Variants in TMEM65 observed in about 807,000 individuals in gnomAD.
TMEM65 encodes transmembrane protein 65.
A neutral mutation model predicts 25.4 loss-of-function variants in TMEM65; 22 were observed. The ratio of observed to expected loss-of-function variants is 0.86; its 90% CI spans 0.62 to 1.23. The LOEUF (loss-of-function observed/expected upper bound fraction) is 1.23. Among genes scored for constraint, TMEM65 ranks in the 50% most tolerant of loss-of-function variants. The pLI is 0.00. For synonymous variants in TMEM65, 132 were observed against 126.2 expected (o/e 1.05, Z -0.31); for missense variants, 262 against 308.2 (o/e 0.85, Z 1.12).
intron 1 of TMEM65, among the ~76,000 whole-genome samples, chr8:124,332,389 G>A (rs912024611): frequency 2.9e-4 from 44 of 152,118 alleles, no homozygotes; most frequent in African/African-American, 1.0e-3. Context: ...GACCTCCCCA[G>A]TAGAATGAGA....
chr8:124,332,662 T>C (rs1460028174), intron 1 of TMEM65, among the ~76,000 whole-genome samples: 2 of 152,064 alleles, frequency 1.3e-5, no homozygotes, highest in African/African-American at 4.8e-5. Flanking sequence ...GGAAAACTAC[T>C]GGCACAGAGG....
intron 1 of TMEM65, among the ~76,000 whole-genome samples, chr8:124,333,468 T>TGC (rs555941915): frequency 2.7e-4 from 23 of 85,758 alleles, no homozygotes; most frequent in African/African-American, 1.2e-3. Flanking sequence ...TGTGTGTGTG[T>TGC]GCGTGTGTGT....
chr8:124,356,533 T>C (rs1309847290), intron 1 of TMEM65, among the ~76,000 whole-genome samples: 1 of 152,214 alleles, frequency 6.6e-6, no homozygotes, highest in African/African-American at 2.4e-5. Flanking sequence ...TCCTTCCTTA[T>C]TGATACTCCC....
At chr8:124,319,539 A>G (rs1814280178) in intron 6 of TMEM65, among the ~76,000 whole-genome samples, 1 of 151,434 alleles carries the variant, frequency 6.6e-6, no homozygotes, top group African/African-American at 2.4e-5. Context: ...TTTTTTTATC[A>G]TCCTCTTCTA....
chr8:124,308,067 C>A lies in TMEM65; in HGVS notation c.*5893G>T, dbSNP rs1814115139. The stretch of plus-strand genomic sequence containing the variant: ...GAAAAGATAAACACCAGCTGCCAGT[C>A]TTCTGGCAGTATAACAAGAAGGCCT... On this transcript the variant is annotated 3_prime_UTR_variant, in exon 7 of 7. Coordinates refer to ENST00000297632, the MANE Select transcript of TMEM65 (RefSeq NM_194291.3). 1 of 152,132 alleles carries A rather than the reference C, an allele frequency of 6.6e-6. No homozygotes were observed. Among genetic ancestry groups the A allele is most frequent in the South Asian group, 2.1e-4 (1 of 4,810 alleles). The allele number at this position is 152,132 out of a possible 1,614,324, so 9.4% of individuals were successfully genotyped here. A position where few individuals can be genotyped will look rare whatever the true frequency, so the allele number is the denominator to read the frequency against.
At chr8:124,349,028 A>G (rs1814674926) in intron 1 of TMEM65, among the ~76,000 whole-genome samples, 1 of 152,222 alleles carries the variant, frequency 6.6e-6, no homozygotes, top group Admixed American at 6.5e-5. Flanking sequence ...TACTGACTTC[A>G]TTCTCCACTT....
chr8:124,330,314 T>G (rs1426479816), intron 2 of TMEM65, among the ~76,000 whole-genome samples: 1 of 151,920 alleles, frequency 6.6e-6, no homozygotes, highest in Non-Finnish European at 1.5e-5. Flanking sequence ...CTTCACGTAG[T>G]TTTAAATAAA....
chr8:124,313,728 G>A lies in TMEM65; in HGVS notation c.*232C>T. 1 of 439,614 alleles carries A rather than the reference G, an allele frequency of 2.3e-6. No individual in the cohort carries two copies. The highest frequency in any genetic ancestry group is 4.0e-5 in the Admixed American group (1 of 25,180). 27.2% of individuals were successfully genotyped at this position (439,614 alleles called of 1,614,324 possible). Reference sequence around the variant, plus strand: ...AAAAAGAAAGGATAAAATGTTGACTGCTATTGATGAAAAAGCATTTCAACA... The same window carrying A: ...AAAAAGAAAGGATAAAATGTTGACTACTATTGATGAAAAAGCATTTCAACA... On this transcript the variant is annotated 3_prime_UTR_variant, in exon 7 of 7. Coordinates refer to ENST00000297632, the MANE Select transcript of TMEM65 (RefSeq NM_194291.3).
intron 1 of TMEM65, among the ~76,000 whole-genome samples, chr8:124,332,975 T>C (rs1274905154): frequency 6.6e-6 from 1 of 151,876 alleles, no homozygotes; most frequent in Non-Finnish European, 1.5e-5. Flanking sequence ...CTGGCTAATT[T>C]TGTATTTTTA....
intron 1 of TMEM65, among the ~76,000 whole-genome samples, chr8:124,349,561 C>T (rs1814680501): frequency 1.3e-5 from 2 of 152,278 alleles, no homozygotes; most frequent in South Asian, 2.1e-4. Context: ...AAAAACAGCA[C>T]CGAACTAAAA....
In TMEM65 at chr8:124,349,379, T is replaced by C. The variant is rs144532720; in HGVS notation, c.305-18587A>G. 5.0e-4 allele frequency among the ~76,000 whole-genome samples: 76 copies of C among 152,060 alleles called. 1 individual carries two copies. In the East Asian group the frequency reaches 0.013, roughly 26 times the overall value. On this transcript the variant is annotated intron_variant, in intron 1 of 6. Transcript: ENST00000297632. ...TGAAGTTAAAATAAAGAGGAGAAAA[T>C]CAAATGATACATCATAGTTACCAAA...
In TMEM65 at chr8:124,372,015, G is replaced by T; in HGVS notation, c.143C>A (p.Pro48Gln). 2 of 1,311,118 alleles carry T rather than the reference G, an allele frequency of 1.5e-6. No individual in the cohort carries two copies. Among genetic ancestry groups the T allele is most frequent in the South Asian group, 4.1e-5 (2 of 48,746 alleles). 81.2% of individuals were successfully genotyped at this position (1,311,118 alleles called of 1,614,324 possible). A position where few individuals can be genotyped will look rare whatever the true frequency, so the allele number is the denominator to read the frequency against. ...CGTGCCCAGCCGCCTGGGGCCGCCCGGCAAGCCGCCGGGGGGCGCGAGCGC... is the reference window on the plus strand; with the variant it reads ...CGTGCCCAGCCGCCTGGGGCCGCCCTGCAAGCCGCCGGGGGGCGCGAGCGC... ...LLALAPPGGL[P>Q]GGPRRLGTHP... The change falls in exon 1 of 7, where the codon CCG (proline) becomes CAG (glutamine). Residue 48 changes from proline (P) to glutamine (Q), a missense_variant. By Grantham distance (76) the Pro-to-Gln change is moderately conservative. Transcript: ENST00000297632.
chr8:124,372,090 G>T lies in TMEM65; in HGVS notation c.68C>A (p.Ala23Asp). Reference protein sequence around the residue: ...ARSLRPGPAAAAAPRPPSWCC... With the variant: ...ARSLRPGPAADAAPRPPSWCC... ...CCAGGACGGCGGGCGGGGCGCGGCG[G>T]CGGCGGCCGGGCCCGGCCTCAGGCT... The change falls in exon 1 of 7, where the codon GCC becomes GAC. Residue 23 changes from alanine (A) to aspartate (D), a missense_variant. Coordinates refer to ENST00000297632, the MANE Select transcript of TMEM65 (RefSeq NM_194291.3). 9.0e-7 allele frequency: 1 copy of T among 1,116,240 alleles called. No individual in the cohort carries two copies. Among genetic ancestry groups the T allele is most frequent in the Non-Finnish European group, 1.1e-6 (1 of 915,468 alleles). 69.1% of individuals were successfully genotyped at this position (1,116,240 alleles called of 1,614,324 possible).
chr8:124,334,463 T>C (rs909698593), intron 1 of TMEM65, among the ~76,000 whole-genome samples: 1 of 152,026 alleles, frequency 6.6e-6, no homozygotes, highest in Non-Finnish European at 1.5e-5. Context: ...ATACATTATC[T>C]GAAATTATAA....
intron 1 of TMEM65, among the ~76,000 whole-genome samples, chr8:124,368,117 A>G (rs1388881135): frequency 6.6e-6 from 1 of 150,628 alleles, no homozygotes; most frequent in Non-Finnish European, 1.5e-5. Flanking sequence ...GTGGAAGCCA[A>G]CCTCAAAGAT....
At chr8:124,350,316 C>T (rs1814691364) in intron 1 of TMEM65, among the ~76,000 whole-genome samples, 2 of 152,118 alleles carry the variant, frequency 1.3e-5, no homozygotes, top group Admixed American at 6.6e-5. Context: ...CTTTCATACA[C>T]TGTGTTATAC....
chr8:124,345,063 T>A (rs1433191657), intron 1 of TMEM65, among the ~76,000 whole-genome samples: 1 of 152,198 alleles, frequency 6.6e-6, no homozygotes, highest in Admixed American at 6.6e-5. Context: ...GCTGCCTCCA[T>A]ATGTAGCAAA....
In TMEM65 at chr8:124,318,363, GTTTTTGTT is replaced by G. The variant is rs1352677742; in HGVS notation, c.621+1715_621+1722del. 6.5e-4 allele frequency among the ~76,000 whole-genome samples: 48 copies of G among 73,840 alleles called. 1 individual carries two copies. Among genetic ancestry groups the G allele is most frequent in the African/African-American group, 2.4e-3 (43 of 17,868 alleles). The allele number at this position is 73,840 out of a possible 152,430, so 48.4% of individuals were successfully genotyped here. A position where few individuals can be genotyped will look rare whatever the true frequency, so the allele number is the denominator to read the frequency against. On this transcript the variant is annotated intron_variant, in intron 6 of 6. Transcript: ENST00000297632. ...TTGTTTTAAGCTGCTGAATTTGCAT[GTTTTTGTT>G]TTTTTTTTTTTTTTTTTTTTTGAGA...
At position 124,372,078 on chromosome 8, in the gene TMEM65, C is replaced by A. The variant is rs1054137355; in HGVS notation, c.80G>T (p.Arg27Leu). 129 of 1,124,444 alleles carry A rather than the reference C, an allele frequency of 1.1e-4. No individual in the cohort carries two copies. Among genetic ancestry groups the A allele is most frequent in the Non-Finnish European group, 1.4e-4 (127 of 921,264 alleles). 69.7% of individuals were successfully genotyped at this position (1,124,444 alleles called of 1,614,324 possible). A position where few individuals can be genotyped will look rare whatever the true frequency, so the allele number is the denominator to read the frequency against. ...RPGPAAAAAP[R>L]PPSWCCCGRG... The stretch of plus-strand genomic sequence containing the variant: ...CCCGCAGCAGCACCAGGACGGCGGG[C>A]GGGGCGCGGCGGCGGCGGCCGGGCC... The change falls in exon 1 of 7, where the codon CGC (arginine) becomes CTC (leucine). Residue 27 changes from arginine (R) to leucine (L), a missense_variant. Transcript: ENST00000297632.
Sources: gnomAD v4.1 joint callset for allele counts (sites outside exome capture counted in the v4.1 genomes callset) on GRCh38, gnomAD v4.1.1 for gene constraint, MANE v1.5 for transcripts, NCBI Gene and HGNC (gene_info 2026-07-23, HGNC 2026-07-21) for gene names.